Variants in URGCP observed in about 807,000 individuals in gnomAD.
URGCP encodes upregulator of cell proliferation.
In URGCP, 13 loss-of-function variants were observed where a neutral mutation model predicts 24.6. The observed-to-expected ratio is 0.53, with a 90% CI of 0.34 to 0.84. The LOEUF is 0.84. URGCP is among the 40% of genes least tolerant of loss of function. URGCP has a pLI of 0.01. For missense variants in URGCP, 899 were observed against 1,194.3 expected (o/e 0.75, Z 3.64); for synonymous variants, 444 against 487.2 (o/e 0.91, Z 1.17).
At chr7:43,883,322 A>C (rs1403672197) in intron 3 of URGCP, among the ~76,000 whole-genome samples, 1 of 131,346 alleles carries the variant, frequency 7.6e-6, no homozygotes, top group Non-Finnish European at 1.5e-5. Flanking sequence ...ATATATATAA[A>C]TATATATATA....
At chr7:43,895,621 G>A (rs892737332) in intron 1 of URGCP, among the ~76,000 whole-genome samples, 9 of 152,208 alleles carry the variant, frequency 5.9e-5, no homozygotes, top group African/African-American at 2.2e-4. Flanking sequence ...GTTGCAGTGA[G>A]GTGAGATCAT....
chr7:43,919,470 G>A (rs1200069910), intron 1 of URGCP: 3 of 1,033,560 alleles, frequency 2.9e-6, no homozygotes, highest in Middle Eastern at 2.6e-4. Flanking sequence ...AGGCCTCATC[G>A]CCTCACTCAT....
chr7:43,885,513 C>G (rs3823659), intron 3 of URGCP, among the ~76,000 whole-genome samples: 70,718 of 115,054 alleles, frequency 0.61, 19,079 homozygotes, highest in African/African-American at 0.78. Context: ...TCATGAAGAA[C>G]AACTATAAAG....
Position 43,878,104 on chromosome 7 carries a change from G to A in URGCP, c.1359C>T (p.His453=), listed in dbSNP as rs547811720. 38 of 1,614,208 alleles carry A rather than the reference G, an allele frequency of 2.4e-5. No homozygotes were observed. Among genetic ancestry groups the A allele is most frequent in the Admixed American group, 3.3e-5 (2 of 60,026 alleles). ...CCTTTAGGCCCAGTTTGCGGGCTGC[G>A]TGCGCCATGTCCTCCACAGATACCC... The part of the protein sequence containing the change: ...CRRVSVEDMA[H]AARKLGLKVD... Residue 453 remains histidine, a synonymous_variant, in exon 6 of 6, where the codon CAC becomes CAT. Coordinates refer to ENST00000453200, the MANE Select transcript of URGCP (RefSeq NM_001077663.3). This position sits in a 1 kb window ranked among gnomAD's most constrained non-coding sequence, Gnocchi z 5.6.
At position 43,878,281 on chromosome 7, in the gene URGCP, G is replaced by A. The variant is rs1293548553; in HGVS notation, c.1182C>T (p.Arg394=). The change falls in exon 6 of 6, where the codon CGC becomes CGT. Residue 394 remains arginine, a synonymous_variant. Transcript: ENST00000453200. This position sits in a 1 kb window ranked among gnomAD's most constrained non-coding sequence, Gnocchi z 5.6. ...YFILSPYRGK[R]NTNLRFLNKL... ...TATTCAGAAATCTCAGGTTTGTGTT[G>A]CGCTTCCCACGGTAGGGACTCAGGA... 6.2e-7 allele frequency: 1 copy of A among 1,614,180 alleles called. No individual in the cohort carries two copies. The highest frequency in any genetic ancestry group is 1.1e-5 in the South Asian group (1 of 91,088).
At chr7:43,915,190 T>C (rs909713357) in intron 1 of URGCP, among the ~76,000 whole-genome samples, 4 of 152,228 alleles carry the variant, frequency 2.6e-5, no homozygotes, top group Admixed American at 6.5e-5. Context: ...TCTGTGTGCC[T>C]AATTTTTCCT....
chr7:43,877,572 C>A lies in URGCP; in HGVS notation c.1891G>T (p.Val631Leu), dbSNP rs1248995024. 6.2e-7 allele frequency: 1 copy of A among 1,614,106 alleles called. No homozygotes were observed. The highest frequency in any genetic ancestry group is 1.1e-5 in the South Asian group (1 of 91,086). ...GQFYEAESCL[V>L]EAGRLPAGQR... ...CCTGCCGGCAGCCTCCCTGCCTCCA[C>A]AAGACAGCTCTCAGCCTCATAAAAC... The change falls in exon 6 of 6, where the codon GTG becomes TTG. Residue 631 changes from valine to leucine, a missense_variant. Physicochemically the swap from Val to Leu is conservative, Grantham distance 32. Transcript: ENST00000453200.
chr7:43,922,503 C>T (rs988683960), intron 1 of URGCP, among the ~76,000 whole-genome samples: 2 of 152,130 alleles, frequency 1.3e-5, no homozygotes, highest in African/African-American at 4.8e-5. Flanking sequence ...TACAGCCATC[C>T]TAGAGGGTGT....
At position 43,877,107 on chromosome 7, in the gene URGCP, C is replaced by T. The variant is rs1238751515; in HGVS notation, c.2356G>A (p.Val786Met). The change falls in exon 6 of 6, where the codon GTG becomes ATG. Residue 786 changes from valine (V) to methionine (M), a missense_variant. Coordinates refer to ENST00000453200, the MANE Select transcript of URGCP (RefSeq NM_001077663.3). ...TCCTTGGTTTCAGCTAGACTGATCACGGTGACATTGCTCAGTCCCATGAGC... is the reference window on the plus strand; with the variant it reads ...TCCTTGGTTTCAGCTAGACTGATCATGGTGACATTGCTCAGTCCCATGAGC... ...TLLMGLSNVT[V>M]ISLAETKDIP... 30 of 1,614,214 alleles carry T rather than the reference C, an allele frequency of 1.9e-5. No individual in the cohort carries two copies. The highest frequency in any genetic ancestry group is 1.6e-4 in the Middle Eastern group (1 of 6,062).
chr7:43,876,032 C>A lies in URGCP; in HGVS notation c.*635G>T. ...CAGTCTGGGGGGACAGACATGTAAACACATGAGTTACAACGCGCTGCGTGA... is the reference window on the plus strand; with the variant it reads ...CAGTCTGGGGGGACAGACATGTAAAAACATGAGTTACAACGCGCTGCGTGA... On this transcript the variant is annotated 3_prime_UTR_variant, in exon 6 of 6. Coordinates refer to ENST00000453200, the MANE Select transcript of URGCP (RefSeq NM_001077663.3). The A allele has an allele frequency of 6.5e-6, 1 of 154,616 alleles. No homozygotes were observed. Among genetic ancestry groups the A allele is most frequent in the Non-Finnish European group, 1.4e-5 (1 of 69,810 alleles). The allele number at this position is 154,616 out of a possible 1,614,324, so 9.6% of individuals were successfully genotyped here.
intron 1 of URGCP, chr7:43,919,390 TG>T (rs1236167584): frequency 4.4e-5 from 38 of 863,588 alleles, no homozygotes; most frequent in Non-Finnish European, 7.3e-5. Flanking sequence ...ACCAACCAGC[TG>T]GTGTCCACCA....
intron 1 of URGCP, chr7:43,920,132 A>G: frequency 6.7e-6 from 5 of 751,364 alleles, no homozygotes; most frequent in Non-Finnish European, 1.1e-5. Context: ...ACTCACTTAG[A>G]GCACAGATCA....
At chr7:43,915,351 A>G (rs1475740233) in intron 1 of URGCP, among the ~76,000 whole-genome samples, 1 of 152,218 alleles carries the variant, frequency 6.6e-6, no homozygotes, top group Non-Finnish European at 1.5e-5. Context: ...TCTTGTCCTC[A>G]GCCTTCTTCT....
chr7:43,924,590 T>A (rs2095926366), intron 1 of URGCP, among the ~76,000 whole-genome samples: 1 of 152,136 alleles, frequency 6.6e-6, no homozygotes, highest in Non-Finnish European at 1.5e-5. Flanking sequence ...TAACAAAAAT[T>A]TCTGTTGTCA....
At chr7:43,908,297 C>A (rs1276420655), upstream of URGCP, among the ~76,000 whole-genome samples, 1 of 152,200 alleles carries the variant, frequency 6.6e-6, no homozygotes, top group Non-Finnish European at 1.5e-5. Context: ...AGGCTGGTCT[C>A]AAACTCCCAA....
upstream of URGCP, among the ~76,000 whole-genome samples, chr7:43,909,408 T>G: frequency 6.6e-6 from 1 of 152,180 alleles, no homozygotes; most frequent in Non-Finnish European, 1.5e-5. Context: ...TTTTTCAAAA[T>G]CATTGCCAAC....
At chr7:43,916,682 G>C (rs1166542406) in intron 1 of URGCP, among the ~76,000 whole-genome samples, 1 of 148,840 alleles carries the variant, frequency 6.7e-6, no homozygotes. Flanking sequence ...GCATATATGG[G>C]TAAGAGCAGA....
intron 3 of URGCP, among the ~76,000 whole-genome samples, chr7:43,886,062 CT>C (rs1317563145): frequency 1.3e-5 from 2 of 152,198 alleles, no homozygotes; most frequent in Non-Finnish European, 2.9e-5. Flanking sequence ...GGCTTTGAGC[CT>C]TTTCATTTAC....
chr7:43,902,184 G>A (rs1298972564), intron 1 of URGCP, among the ~76,000 whole-genome samples: 1 of 144,420 alleles, frequency 6.9e-6, no homozygotes, highest in South Asian at 2.4e-4. Context: ...GAGGAGGGGG[G>A]AAGAAGAGGG....
Sources: gnomAD v4.1 joint callset for allele counts (sites outside exome capture counted in the v4.1 genomes callset) on GRCh38, gnomAD v4.1.1 for gene constraint, Gnocchi (gnomAD v3.1) non-coding constraint, MANE v1.5 for transcripts, NCBI Gene and HGNC (gene_info 2026-07-23, HGNC 2026-07-21) for gene names.